SGCD: variants seen among roughly 807,000 people sequenced by gnomAD.
SGCD encodes the protein sarcoglycan delta.
In SGCD, 18 loss-of-function variants were observed where a neutral mutation model predicts 36.6. The observed-to-expected ratio is 0.49, with a 90% CI of 0.34 to 0.73. SGCD has a LOEUF of 0.73. SGCD is among the 30% of genes least tolerant of loss of function. SGCD has a pLI of 0.01. For missense variants in SGCD, 387 were observed against 346.7 expected, an observed-to-expected ratio of 1.12 and a Z score of -0.92; for synonymous variants, 133 against 130.6, an observed-to-expected ratio of 1.02 and a Z score of -0.12.
the SGCD span, among the ~76,000 whole-genome samples, chr5:155,775,311 G>T: frequency 6.6e-6 from 1 of 152,006 alleles, no homozygotes. Context: ...GCCCTTTTCT[G>T]ATTTATCAGT....
At chr5:156,500,664 C>T (rs889214713) in intron 3 of SGCD, among the ~76,000 whole-genome samples, 3 of 152,088 alleles carry the variant, frequency 2.0e-5, no homozygotes, top group African/African-American at 7.2e-5. Flanking sequence ...AATAGGTCTG[C>T]AACCTACTCA....
chr5:156,722,156 C>T (rs1166932415), intron 7 of SGCD, among the ~76,000 whole-genome samples: 1 of 152,180 alleles, frequency 6.6e-6, no homozygotes, highest in Non-Finnish European at 1.5e-5. Context: ...AACTCAGAAG[C>T]CCACAGTGTA....
intron 4 of SGCD, among the ~76,000 whole-genome samples, chr5:156,509,736 A>G (rs536579030): frequency 3.6e-4 from 55 of 152,232 alleles, no homozygotes; most frequent in Non-Finnish European, 6.5e-4. Context: ...TTGCTGTAGC[A>G]GTGATTCCTA....
intron 1 of SGCD, among the ~76,000 whole-genome samples, chr5:155,963,965 C>T (rs932133152): frequency 3.3e-5 from 5 of 152,170 alleles, no homozygotes; most frequent in East Asian, 1.9e-4. Context: ...CAACAACATT[C>T]GTTGTTCCTA....
At chr5:156,094,903 A>T (rs1338974507) in intron 1 of SGCD, among the ~76,000 whole-genome samples, 1 of 152,150 alleles carries the variant, frequency 6.6e-6, no homozygotes, top group East Asian at 1.9e-4. Flanking sequence ...CAGGAGGCTG[A>T]GGCAGGAGAA....
chr5:156,328,693 T>C (rs1580826058), intron 1 of SGCD, among the ~76,000 whole-genome samples: 2 of 151,586 alleles, frequency 1.3e-5, no homozygotes, highest in East Asian at 3.9e-4. Context: ...GGGACAGGAC[T>C]GGCAGCAGGA....
intron 4 of SGCD, among the ~76,000 whole-genome samples, chr5:156,570,845 T>G (rs895191322): frequency 2.6e-4 from 40 of 152,316 alleles, no homozygotes; most frequent in African/African-American, 9.1e-4. Context: ...TTCCCCAGCT[T>G]TCTCTTAGTA....
intron 1 of SGCD, among the ~76,000 whole-genome samples, chr5:156,084,019 A>G (rs987668331): frequency 6.6e-6 from 1 of 152,184 alleles, no homozygotes; most frequent in African/African-American, 2.4e-5. Flanking sequence ...GTAAACCTTA[A>G]TATGATGTAG....
chr5:156,632,533 T>C (rs547080536), intron 6 of SGCD, among the ~76,000 whole-genome samples: 56 of 152,322 alleles, frequency 3.7e-4, no homozygotes, highest in African/African-American at 1.3e-3. Context: ...TGAAGCTTTA[T>C]TTTTTATTGA....
intron 4 of SGCD, among the ~76,000 whole-genome samples, chr5:156,555,372 A>G (rs1758979488): frequency 6.6e-6 from 1 of 152,130 alleles, no homozygotes; most frequent in Admixed American, 6.6e-5. Context: ...TTAAATCTTC[A>G]ATCCATTTTG....
At chr5:155,998,682 T>TA (rs1758603728) in intron 1 of SGCD, among the ~76,000 whole-genome samples, 1 of 152,288 alleles carries the variant, frequency 6.6e-6, no homozygotes, top group East Asian at 1.9e-4. Context: ...TGCAGGAAAA[T>TA]ACGTGTGATG....
At chr5:156,426,055 T>A (rs548338451) in intron 3 of SGCD, among the ~76,000 whole-genome samples, 6 of 152,126 alleles carry the variant, frequency 3.9e-5, no homozygotes, top group African/African-American at 1.4e-4. Flanking sequence ...TAATGACTTA[T>A]TTTCCTTTGG....
At chr5:156,036,013 A>G (rs894711664) in intron 1 of SGCD, among the ~76,000 whole-genome samples, 1 of 152,188 alleles carries the variant, frequency 6.6e-6, no homozygotes, top group African/African-American at 2.4e-5. Flanking sequence ...ATGTGCTTTC[A>G]CCTATATTAT....
At chr5:156,396,274 A>T (rs1771842929) in intron 3 of SGCD, among the ~76,000 whole-genome samples, 1 of 152,232 alleles carries the variant, frequency 6.6e-6, no homozygotes, top group South Asian at 2.1e-4. Flanking sequence ...TGTAGAAATG[A>T]TTAATTCCTT....
intron 3 of SGCD, among the ~76,000 whole-genome samples, chr5:156,225,099 A>G (rs1463341856): frequency 6.6e-6 from 1 of 152,072 alleles, no homozygotes; most frequent in Non-Finnish European, 1.5e-5. Context: ...GTGTACCTCC[A>G]ATGCAAATCT....
In SGCD at chr5:156,011,580, C is replaced by T. The variant is rs1433804886; in HGVS notation, c.-281-106298C>T. On this transcript the variant is annotated intron_variant, in intron 1 of 9. Transcript: ENST00000517913. ...TTAGCCTCCCGAGTATCTGGGACTACAGGTGCCCACCACTGTGCCGGCCAA... is the reference window on the plus strand; with the variant it reads ...TTAGCCTCCCGAGTATCTGGGACTATAGGTGCCCACCACTGTGCCGGCCAA... 3.9e-5 allele frequency among the ~76,000 whole-genome samples: 6 copies of T among 152,140 alleles called. No homozygotes were observed. In the East Asian group the frequency reaches 7.7e-4, roughly 20 times the overall value.
chr5:156,645,937 G>A (rs1581323076), intron 6 of SGCD, among the ~76,000 whole-genome samples: 1 of 152,152 alleles, frequency 6.6e-6, no homozygotes, highest in East Asian at 1.9e-4. Flanking sequence ...TTGTGCCAGA[G>A]ATCTCATTCA....
chr5:156,479,899 G>A (rs865876460), intron 3 of SGCD, among the ~76,000 whole-genome samples: 5 of 152,158 alleles, frequency 3.3e-5, no homozygotes, highest in South Asian at 2.1e-4. Flanking sequence ...GAAGTTACCC[G>A]CTTTGACCTG....
At chr5:156,230,681 G>A (rs201173008) in intron 3 of SGCD, among the ~76,000 whole-genome samples, 64 of 152,090 alleles carry the variant, frequency 4.2e-4, no homozygotes, top group African/African-American at 1.3e-3. Context: ...AAAAATTCTC[G>A]ATGCGAACCT....
Sources: gnomAD v4.1 joint callset for allele counts (sites outside exome capture counted in the v4.1 genomes callset) on GRCh38, gnomAD v4.1.1 for gene constraint, MANE v1.5 for transcripts, NCBI Gene and HGNC (gene_info 2026-07-23, HGNC 2026-07-21) for gene names.